GRHPR: variants seen among roughly 807,000 people sequenced by gnomAD.
GRHPR encodes glyoxylate and hydroxypyruvate reductase.
Under a neutral mutation model 36.8 loss-of-function variants are expected in GRHPR, and 35 were observed. The observed-to-expected ratio is 0.95, with a 90% CI of 0.73 to 1.26. GRHPR has a LOEUF of 1.26. GRHPR is among the 50% of genes most tolerant of loss of function. GRHPR has a pLI of 0.00. For missense variants in GRHPR, 380 were observed against 435.0 expected (o/e 0.87, Z 1.12); for synonymous variants, 179 against 181.0 (o/e 0.99, Z 0.09).
At chr9:37,430,733 T>C in intron 7 of GRHPR, 87 bp downstream of exon 7, 1 of 1,251,788 alleles carries the variant, frequency 8.0e-7, no homozygotes, top group East Asian at 2.4e-5. Flanking sequence ...CGTGGGTTGT[T>C]GGTGAGACCC....
Position 37,426,648 on chromosome 9 carries a change from TGAA to T in GRHPR, c.403_404+1del, listed in dbSNP as rs1554747007. 1.9e-6 allele frequency: 3 copies of T among 1,597,350 alleles called. No individual in the cohort carries two copies. The highest frequency in any genetic ancestry group is 2.6e-6 in the Non-Finnish European group (3 of 1,164,940). ...CGGTTGCCGGAGGCCATCGAGGAAG[TGAA>T]GAAGTAAGTGAACGCAGACCAGGTG... is the stretch of plus-strand genomic sequence containing the variant. On this transcript the variant is annotated inframe_deletion, in exon 4 of 9. Transcript: ENST00000318158.
intron 5 of GRHPR, chr9:37,428,880 T>C (rs1461850908): frequency 4.2e-6 from 2 of 478,840 alleles, no homozygotes; most frequent in Non-Finnish European, 7.9e-6. Flanking sequence ...TAGGAGTGGT[T>C]ACCGTGAGAG....
In GRHPR at chr9:37,424,950, G is replaced by A. The variant is rs776059959; in HGVS notation, c.189G>A (p.Val63=). The A allele has an allele frequency of 6.2e-7, 1 of 1,612,654 alleles. No individual in the cohort carries two copies. The highest frequency in any genetic ancestry group is 1.1e-5 in the South Asian group (1 of 91,072). Residue 63 remains valine (V), a synonymous_variant, in exon 2 of 9, where the codon GTG becomes GTA. Coordinates refer to ENST00000318158, the MANE Select transcript of GRHPR (RefSeq NM_012203.2). ...TGCTCTGCCTCCTCTCCGACCACGT[G>A]GACAAGAGGATCCTGGATGCTGCAG... ...HGLLCLLSDH[V]DKRILDAAGA... is the part of the protein sequence containing the mutation.
At chr9:37,425,856 G>C (rs752931593) in intron 2 of GRHPR, 66 bp from the exon 3 acceptor site, 63 of 981,680 alleles carry the variant, frequency 6.4e-5, no homozygotes, top group Non-Finnish European at 9.6e-5. Flanking sequence ...CCCCATGATA[G>C]TCCCCAGTGC....
intron 1 of GRHPR, among the ~76,000 whole-genome samples, chr9:37,423,425 AGC>A (rs1029304842): frequency 5.3e-5 from 8 of 151,628 alleles, no homozygotes; most frequent in African/African-American, 1.9e-4. Context: ...CTCTTGCCTC[AGC>A]CTCCCAAAGT....
At chr9:37,435,972 C>G (rs1823623148) in intron 8 of GRHPR, among the ~76,000 whole-genome samples, 1 of 152,086 alleles carries the variant, frequency 6.6e-6, no homozygotes, top group African/African-American at 2.4e-5. Flanking sequence ...TTCACTTGCT[C>G]TGGGGTGGGA....
At chr9:37,430,371 G>A in intron 6 of GRHPR, 140 bp from the exon 7 acceptor site, 1 of 765,916 alleles carries the variant, frequency 1.3e-6, no homozygotes, top group South Asian at 1.4e-5. Flanking sequence ...ACTCATGAGA[G>A]TTGTCCAGGT....
chr9:37,426,558 C>A lies in GRHPR; in HGVS notation c.308C>A (p.Thr103Asn). Residue 103 changes from threonine to asparagine, a missense_variant, in exon 4 of 9, where the codon ACC becomes AAC. By Grantham distance (65) the Thr-to-Asn change is moderately conservative (BLOSUM62 0). Transcript: ENST00000318158. ...CGTAGTGGGATCCGAGTTGGCTACA[C>A]CCCAGATGTCCTGACAGATACCACC... ...IKKRGIRVGY[T>N]PDVLTDTTAE... The A allele has an allele frequency of 6.2e-7, 1 of 1,611,890 alleles. No homozygotes were observed. Among genetic ancestry groups the A allele is most frequent in the Non-Finnish European group, 8.5e-7 (1 of 1,177,952 alleles).
At chr9:37,424,632 C>T (rs548152989) in intron 1 of GRHPR, among the ~76,000 whole-genome samples, 2 of 152,376 alleles carry the variant, frequency 1.3e-5, no homozygotes, top group African/African-American at 4.8e-5. Context: ...TTCCCCCTTG[C>T]AGCTTAGGCT....
chr9:37,430,430 G>A (rs970475105), intron 6 of GRHPR, 81 bp from the exon 7 acceptor site: 59 of 1,222,738 alleles, frequency 4.8e-5, no homozygotes, highest in East Asian at 2.1e-4. Context: ...TTAGGGAGTC[G>A]GGAGCAAGGG....
chr9:37,422,834 G>A lies in GRHPR; in HGVS notation c.83+1G>A. The A allele has an allele frequency of 2.5e-6, 4 of 1,590,146 alleles. No homozygotes were observed. Among genetic ancestry groups the A allele is most frequent in the Non-Finnish European group, 3.4e-6 (4 of 1,169,370 alleles). ...GGGTCGCGCTCGCCCGGGCGGCAGA[G>A]TAAGAGCCTCGCGCGCCGTGGAGGA... On this transcript the variant is annotated splice_donor_variant, in intron 1 of 8. Coordinates refer to ENST00000318158, the MANE Select transcript of GRHPR (RefSeq NM_012203.2). LOFTEE classifies it high-confidence loss of function.
intron 2 of GRHPR, 70 bp downstream of exon 2, chr9:37,425,045 C>T (rs1045936817): frequency 3.0e-4 from 436 of 1,473,192 alleles, no homozygotes; most frequent in Non-Finnish European, 3.9e-4. Context: ...GTGCTGCTGG[C>T]TCCTGGCTGC....
At chr9:37,422,695 T>A, upstream of GRHPR, 1 of 1,366,958 alleles carries the variant, frequency 7.3e-7, no homozygotes, top group South Asian at 1.2e-5. Context: ...CCGGCCCAGC[T>A]ACATTCCCGG....
At chr9:37,436,410 C>G (rs564036333) in intron 8 of GRHPR, among the ~76,000 whole-genome samples, 8 of 152,294 alleles carry the variant, frequency 5.3e-5, no homozygotes, top group Admixed American at 3.9e-4. Context: ...GCGCCCAGCC[C>G]TAGAATACAA....
chr9:37,424,773 G>GATTC, intron 1 of GRHPR, 72 bp from the exon 2 acceptor site: 1 of 1,568,288 alleles, frequency 6.4e-7, no homozygotes, highest in East Asian at 2.3e-5. Flanking sequence ...CAGAGGCCAG[G>GATTC]ATTCCCAGCT....
Position 37,429,019 on chromosome 9 carries a change from T to G in GRHPR, c.493+447T>G, listed in dbSNP as rs113112951. 1,428 of 323,184 alleles carry G rather than the reference T, an allele frequency of 4.4e-3. 19 individuals carry two copies. Among genetic ancestry groups the G allele is most frequent in the African/African-American group, 0.029 (1,345 of 46,534 alleles). The allele number at this position is 323,184 out of a possible 1,614,324, so 20.0% of individuals were successfully genotyped here. A position where few individuals can be genotyped will look rare whatever the true frequency, so the allele number is the denominator to read the frequency against. On this transcript the variant is annotated intron_variant, in intron 5 of 8. Transcript: ENST00000318158. The stretch of plus-strand genomic sequence containing the variant: ...GTTCTGCAGATGAGGCAGAGACACT[T>G]TTCTTCCAGTGGCCCTTATTTGGAG...
intron 4 of GRHPR, among the ~76,000 whole-genome samples, chr9:37,426,857 A>G (rs1296882771): frequency 6.6e-6 from 1 of 152,026 alleles, no homozygotes. Flanking sequence ...AGGCTGAGGC[A>G]GGAGAATCAT....
At chr9:37,431,661 G>A (rs1450811918) in intron 7 of GRHPR, 10 of 324,994 alleles carry the variant, frequency 3.1e-5, no homozygotes, top group Non-Finnish European at 4.8e-5. Flanking sequence ...GCCCTTCTGG[G>A]CCCTGTTCAT....
intron 8 of GRHPR, among the ~76,000 whole-genome samples, chr9:37,436,108 G>C (rs7867764): frequency 4.6e-5 from 7 of 152,148 alleles, no homozygotes; most frequent in Middle Eastern, 6.8e-3. Flanking sequence ...ACTCCTATGC[G>C]TTCACCATTT....
Sources: gnomAD v4.1 joint callset for allele counts (sites outside exome capture counted in the v4.1 genomes callset) on GRCh38, gnomAD v4.1.1 for gene constraint, MANE v1.5 for transcripts, NCBI Gene and HGNC (gene_info 2026-07-23, HGNC 2026-07-21) for gene names.